The following RARB variants were observed in gnomAD, a reference collection of about 807,000 sequenced individuals.
The protein encoded by RARB is retinoic acid receptor beta.
RARB carries 17 observed loss-of-function variants against 51.9 expected under a neutral mutation model. The observed-to-expected ratio is 0.33, with a 90% confidence interval of 0.22 to 0.49. The LOEUF is 0.49. Among genes scored for constraint, RARB ranks in the 20% least tolerant of loss-of-function variants. The pLI is 0.99. For synonymous variants in RARB, 215 were observed against 195.4 expected, an observed-to-expected ratio of 1.10 and a Z score of -0.84; for missense variants, 369 against 550.8, an observed-to-expected ratio of 0.67 and a Z score of 3.30.
At chr3:24,835,814 G>C (rs1702338480) in intron 1 of RARB, among the ~76,000 whole-genome samples, 1 of 152,154 alleles carries the variant, frequency 6.6e-6, no homozygotes, top group African/African-American at 2.4e-5. Context: ...AGAAACAGTG[G>C]GTGGTGAAAG....
chr3:25,023,070 T>A (rs1230912421), intron 2 of RARB, among the ~76,000 whole-genome samples: 4 of 152,168 alleles, frequency 2.6e-5, no homozygotes, highest in Admixed American at 2.6e-4. Flanking sequence ...ATATGGGTAT[T>A]GATAGGCAGC....
chr3:24,855,975 C>T (rs1291077196), intron 1 of RARB, among the ~76,000 whole-genome samples: 1 of 152,116 alleles, frequency 6.6e-6, no homozygotes, highest in Non-Finnish European at 1.5e-5. Context: ...TGGTCTCAAT[C>T]TCCTGACCTT....
intron 5 of RARB, among the ~76,000 whole-genome samples, chr3:25,585,744 C>G (rs554658125): frequency 3.9e-5 from 6 of 152,212 alleles, no homozygotes; most frequent in Non-Finnish European, 7.3e-5. Flanking sequence ...AAAAGAGCCA[C>G]TGCCTATGTT....
At chr3:25,221,418 G>A (rs770767621) in intron 5 of RARB, among the ~76,000 whole-genome samples, 5 of 152,132 alleles carry the variant, frequency 3.3e-5, no homozygotes, top group Non-Finnish European at 7.4e-5. Flanking sequence ...CACTGTGTCA[G>A]GCCCAGTACC....
chr3:24,939,912 T>C (rs961097530), intron 2 of RARB, among the ~76,000 whole-genome samples: 3 of 152,252 alleles, frequency 2.0e-5, no homozygotes, highest in Non-Finnish European at 2.9e-5. Context: ...ACAATCTATA[T>C]ACACAAATAA....
intron 2 of RARB, among the ~76,000 whole-genome samples, chr3:25,007,420 G>A (rs980164188): frequency 6.6e-6 from 1 of 151,874 alleles, no homozygotes; most frequent in African/African-American, 2.4e-5. Context: ...GAGGTCAGGA[G>A]TTTGAGATTA....
At chr3:25,333,074 T>A (rs979469120) in intron 5 of RARB, among the ~76,000 whole-genome samples, 10 of 152,112 alleles carry the variant, frequency 6.6e-5, no homozygotes, top group African/African-American at 2.4e-4. Context: ...ATAGGAAGAA[T>A]CAATATCATG....
intron 2 of RARB, among the ~76,000 whole-genome samples, chr3:24,978,854 T>C (rs1221892224): frequency 6.6e-6 from 1 of 152,162 alleles, no homozygotes; most frequent in Non-Finnish European, 1.5e-5. Flanking sequence ...AGGGTGTCTA[T>C]TTTAGATCTT....
At chr3:24,969,561 T>A (rs932391541) in intron 2 of RARB, among the ~76,000 whole-genome samples, 1 of 152,122 alleles carries the variant, frequency 6.6e-6, no homozygotes, top group Admixed American at 6.6e-5. Context: ...ATTCTGTCTC[T>A]TTTATTTATG....
intron 4 of RARB, among the ~76,000 whole-genome samples, chr3:25,169,111 T>A (rs925105777): frequency 1.3e-5 from 2 of 152,200 alleles, no homozygotes; most frequent in African/African-American, 2.4e-5. Flanking sequence ...GTTAAACATA[T>A]GTGAAGTGCA....
rs3773428 is a variant in RARB at position 25,592,522 on chromosome 3, G to C, written c.787-981G>C. ...GCACGGAGCTCCTTACCAGCATTTA[G>C]GCTTAATAGGGCAGTGGAAACATGA... is the stretch of plus-strand genomic sequence containing the variant. On this transcript the variant is annotated intron_variant, in intron 5 of 7. Transcript: ENST00000330688. Among the ~76,000 whole-genome samples, 121 of 152,330 alleles carry C rather than the reference G, an allele frequency of 7.9e-4. 3 individuals are homozygous for C. In the East Asian group the frequency reaches 0.013, roughly 16 times the overall value.
intron 2 of RARB, among the ~76,000 whole-genome samples, chr3:24,985,933 A>G (rs1696785279): frequency 6.6e-6 from 1 of 152,224 alleles, no homozygotes; most frequent in Admixed American, 6.5e-5. Context: ...AAAAATAATA[A>G]ACTAAGAACA....
At chr3:25,524,091 T>C (rs1698529575) in intron 3 of RARB, among the ~76,000 whole-genome samples, 1 of 152,182 alleles carries the variant, frequency 6.6e-6, no homozygotes, top group African/African-American at 2.4e-5. Flanking sequence ...AAGGAATTTG[T>C]TTAAAAAGCG....
At chr3:25,259,856 A>G (rs1277944074) in intron 5 of RARB, 8 of 962,820 alleles carry the variant, frequency 8.3e-6, no homozygotes, top group Non-Finnish European at 9.9e-6. Flanking sequence ...ATTGCTTCCC[A>G]AATAAGTCAA....
chr3:25,216,519 A>G (rs1048500757), intron 5 of RARB, among the ~76,000 whole-genome samples: 1 of 151,416 alleles, frequency 6.6e-6, no homozygotes, highest in Admixed American at 6.6e-5. Flanking sequence ...CTCACTCATA[A>G]GTAGGAGTTG....
chr3:24,994,766 A>G (rs1696987403), intron 2 of RARB, among the ~76,000 whole-genome samples: 1 of 151,910 alleles, frequency 6.6e-6, no homozygotes, highest in Non-Finnish European at 1.5e-5. Flanking sequence ...TCCCCATTGT[A>G]TGTTCTTTGT....
intron 5 of RARB, among the ~76,000 whole-genome samples, chr3:25,238,618 C>T (rs576292512): frequency 6.6e-6 from 1 of 152,210 alleles, no homozygotes; most frequent in East Asian, 1.9e-4. Context: ...ACTTTACATC[C>T]CCACCAATGG....
intron 2 of RARB, among the ~76,000 whole-genome samples, chr3:24,995,157 A>C (rs543489626): frequency 6.6e-6 from 1 of 151,742 alleles, no homozygotes; most frequent in Non-Finnish European, 1.5e-5. Flanking sequence ...TATCCTCTTC[A>C]GTTTATTTCA....
Position 25,597,775 on chromosome 3 carries a change from A to ATT in RARB, c.*1170_*1171dup, listed in dbSNP as rs10638799. On this transcript the variant is annotated 3_prime_UTR_variant, in exon 8 of 8. Transcript: ENST00000330688. Reference sequence around the variant, plus strand: ...TAGTTCTCATTTAAGCACTAGTGGAATTTTTTTTTTTTGATATATTAGCAA... The same window carrying ATT: ...TAGTTCTCATTTAAGCACTAGTGGAATTTTTTTTTTTTTTGATATATTAGCAA... 3,070 of 149,882 alleles carry ATT rather than the reference A, an allele frequency of 0.02. 80 individuals are homozygous for ATT. The highest frequency in any genetic ancestry group is 0.065 in the African/African-American group (2,663 of 40,884). 9.3% of individuals were successfully genotyped at this position (149,882 alleles called of 1,614,324 possible).
Sources: gnomAD v4.1 joint callset for allele counts (sites outside exome capture counted in the v4.1 genomes callset) on GRCh38, gnomAD v4.1.1 for gene constraint, MANE v1.5 for transcripts, NCBI Gene and HGNC (gene_info 2026-07-23, HGNC 2026-07-21) for gene names.